The following QRICH1 variants were observed in gnomAD, a reference collection of about 807,000 sequenced individuals.
QRICH1 encodes the protein transcriptional regulator QRICH1.
A neutral mutation model predicts 87.1 loss-of-function variants in QRICH1; 16 were observed. The observed-to-expected ratio is 0.18, with a 90% confidence interval of 0.12 to 0.28. The LOEUF (loss-of-function observed/expected upper bound fraction) is 0.28. Ranked by LOEUF, QRICH1 falls within the 10% of genes least tolerant of loss-of-function variation. The probability of loss-of-function intolerance (pLI) is 1.00; values close to 1 mark genes in which losing one functional copy is unlikely to be tolerated. For missense variants in QRICH1, 647 were observed against 951.7 expected (o/e 0.68, Z 4.21); for synonymous variants, 367 against 368.4 (o/e 1.00, Z 0.05).
chr3:49,033,880 G>C (rs912951728), intron 6 of QRICH1: 1 of 152,098 alleles, frequency 6.6e-6, no homozygotes, highest in Non-Finnish European at 1.5e-5. Flanking sequence ...CCAGCTAATC[G>C]GGAGGCTGAG....
chr3:49,060,329 G>A (rs2093427546), intron 2 of QRICH1, among the ~76,000 whole-genome samples: 1 of 151,658 alleles, frequency 6.6e-6, no homozygotes, highest in Non-Finnish European at 1.5e-5. Context: ...AAGTAGCTGG[G>A]ACCACAGGCA....
intron 7 of QRICH1, 34 bp downstream of exon 7, chr3:49,033,086 C>G (rs747574033): frequency 7.1e-7 from 1 of 1,402,142 alleles, no homozygotes. Context: ...CTTCACTGGA[C>G]AGATGCCAGC....
At chr3:49,036,127 T>G (rs1047948266) in intron 6 of QRICH1, among the ~76,000 whole-genome samples, 1 of 151,948 alleles carries the variant, frequency 6.6e-6, no homozygotes, top group African/African-American at 2.4e-5. Context: ...ACAGACTCTA[T>G]TGACTGAGGG....
intron 1 of QRICH1, among the ~76,000 whole-genome samples, chr3:49,078,679 G>A (rs1048971271): frequency 3.6e-5 from 5 of 140,692 alleles, no homozygotes; most frequent in Non-Finnish European, 6.1e-5. Flanking sequence ...ACAGGCGTGA[G>A]CCACCACACC....
Position 49,047,235 on chromosome 3 carries a change from G to A in QRICH1, c.1350C>T (p.Val450=). 6.2e-7 allele frequency: 1 copy of A among 1,613,828 alleles called. No homozygotes were observed. The part of the protein sequence containing the change: ...QLQVTCSAQT[V]QVAEVEPQSQ... The stretch of plus-strand genomic sequence containing the variant: ...ACTGTGGTTCAACTTCAGCAACCTG[G>A]ACAGTTTGAGCCTATAGGAGAGAAA... Residue 450 remains valine, a synonymous_variant, in exon 4 of 10, where the codon GTC becomes GTT. Transcript: ENST00000395443.
chr3:49,069,586 G>A (rs145657289), intron 2 of QRICH1, among the ~76,000 whole-genome samples: 261 of 134,448 alleles, frequency 1.9e-3, no homozygotes, highest in Non-Finnish European at 2.5e-3. Context: ...ATTCTCAAGC[G>A]ATCCTTCCAC....
At position 49,044,296 on chromosome 3, in the gene QRICH1, C is replaced by G. The variant is rs900724680; in HGVS notation, c.1786+94G>C. The G allele has an allele frequency of 8.4e-6, 8 of 953,822 alleles. No homozygotes were observed. In the Admixed American group the frequency reaches 1.6e-4, roughly 19 times the overall value. 59.1% of individuals were successfully genotyped at this position (953,822 alleles called of 1,614,324 possible). A position where few individuals can be genotyped will look rare whatever the true frequency, so the allele number is the denominator to read the frequency against. Reference sequence around the variant, plus strand: ...CTGCAGTCTGGGATTTATATCCCCCCTCACTCACATGCTTTTCATAGCCAA... The same window carrying G: ...CTGCAGTCTGGGATTTATATCCCCCGTCACTCACATGCTTTTCATAGCCAA... On this transcript the variant is annotated intron_variant, in intron 6 of 9. Transcript: ENST00000395443.
rs190634871 is a variant in QRICH1 at position 49,053,070 on chromosome 3, C to A, written c.1338+3792G>T. ...AGGGAGAAGAGGGCCAAATACTGAA[C>A]CCTCAGGAACATCAACATGTATGAT... On this transcript the variant is annotated intron_variant, in intron 3 of 9. Coordinates refer to ENST00000395443, the MANE Select transcript of QRICH1 (RefSeq NM_198880.3). Among the ~76,000 whole-genome samples, 486 of 152,176 alleles carry A rather than the reference C, an allele frequency of 3.2e-3. 2 individuals are homozygous for A. The highest frequency in any genetic ancestry group is 0.011 in the African/African-American group (459 of 41,510).
Position 49,076,795 on chromosome 3 carries a change from C to T in QRICH1, c.223G>A (p.Glu75Lys). 6.2e-7 allele frequency: 1 copy of T among 1,612,230 alleles called. No individual in the cohort carries two copies. Among genetic ancestry groups the T allele is most frequent in the East Asian group, 2.2e-5 (1 of 44,772 alleles). The change falls in exon 2 of 10, where the codon GAA (glutamate) becomes AAA (lysine). Residue 75 changes from glutamate to lysine, a missense_variant. By Grantham distance (56) the Glu-to-Lys change is moderately conservative. Around this residue, in one of 7 missense-constraint regions of QRICH1, gnomAD observed 56 missense variants for 109.6 expected, o/e 0.51. Coordinates refer to ENST00000395443, the MANE Select transcript of QRICH1 (RefSeq NM_198880.3). ...DSTEVAGSLL[E>K]LACPVTTSVQ... ...CTGGTGGTGACTGGACAGGCAAGTT[C>T]AAGCAAAGACCCAGCCACTTCAGTG...
intron 3 of QRICH1, among the ~76,000 whole-genome samples, chr3:49,052,461 G>A (rs1034652157): frequency 4.6e-5 from 7 of 152,160 alleles, no homozygotes; most frequent in African/African-American, 1.7e-4. Flanking sequence ...TTAAGACACA[G>A]GCTCCAGGGC....
chr3:49,032,251 T>C lies in QRICH1; in HGVS notation c.2070A>G (p.Glu690=). The C allele has an allele frequency of 6.2e-7, 1 of 1,613,766 alleles. No individual in the cohort carries two copies. The highest frequency in any genetic ancestry group is 1.3e-5 in the African/African-American group (1 of 75,058). Residue 690 remains glutamate, a synonymous_variant, in exon 9 of 10, where the codon GAA becomes GAG. Transcript: ENST00000395443. ...GQKVTDDMYA[E]QTENPENPLR... Reference sequence around the variant, plus strand: ...ATGGATTCTCTGGATTTTCCGTCTGTTCTGCATACATGTCATCTGTAACTA... The same window carrying C: ...ATGGATTCTCTGGATTTTCCGTCTGCTCTGCATACATGTCATCTGTAACTA...
chr3:49,084,047 G>A (rs1220605948), intron 1 of QRICH1, among the ~76,000 whole-genome samples: 3 of 151,986 alleles, frequency 2.0e-5, no homozygotes, highest in Non-Finnish European at 2.9e-5. Flanking sequence ...TGATCCACCC[G>A]CCTCAGCCTC....
chr3:49,059,885 C>CA (rs2093425014), intron 2 of QRICH1, among the ~76,000 whole-genome samples: 1 of 139,664 alleles, frequency 7.2e-6, no homozygotes. Context: ...ATCCAGCTAA[C>CA]TTTTTTTTTT....
chr3:49,051,260 A>G (rs1269142677), intron 3 of QRICH1, among the ~76,000 whole-genome samples: 2 of 152,142 alleles, frequency 1.3e-5, no homozygotes, highest in African/African-American at 4.8e-5. Context: ...GGTCAAATGC[A>G]ATGGATGCTT....
intron 2 of QRICH1, among the ~76,000 whole-genome samples, chr3:49,063,673 C>G (rs773139750): frequency 1.3e-5 from 2 of 152,186 alleles, no homozygotes; most frequent in African/African-American, 2.4e-5. Context: ...CCTGTAGTCT[C>G]AGCTACCTGG....
intron 2 of QRICH1, among the ~76,000 whole-genome samples, chr3:49,072,807 T>A (rs2041867329): frequency 6.6e-6 from 1 of 152,134 alleles, no homozygotes; most frequent in Admixed American, 6.6e-5. Context: ...TTTGGGAGGC[T>A]GAGCCATGAG....
intron 1 of QRICH1, among the ~76,000 whole-genome samples, chr3:49,087,733 G>T (rs1371027966): frequency 7.0e-6 from 1 of 142,796 alleles, no homozygotes; most frequent in Non-Finnish European, 1.5e-5. Flanking sequence ...AATTAGCCAG[G>T]CGGGGTACCA....
chr3:49,091,928 C>A (rs747234251), intron 1 of QRICH1, among the ~76,000 whole-genome samples: 25 of 152,004 alleles, frequency 1.6e-4, no homozygotes, highest in Non-Finnish European at 3.2e-4. Context: ...AAAAATTAGC[C>A]AGGTGTGGTG....
intron 1 of QRICH1, among the ~76,000 whole-genome samples, chr3:49,088,045 G>A (rs186166962): frequency 2.0e-5 from 3 of 150,432 alleles, no homozygotes; most frequent in Admixed American, 6.6e-5. Context: ...TCTGTCTCCC[G>A]GGTTCACGCC....
Sources: allele counts gnomAD v4.1 joint callset (sites outside exome capture counted in the v4.1 genomes callset), GRCh38; gene constraint gnomAD v4.1.1; regional missense constraint gnomAD v4.1.1; transcripts MANE v1.5; gene names NCBI Gene and HGNC (gene_info 2026-07-23, HGNC 2026-07-21).